The following EFHD1 variants were observed in gnomAD, a reference collection of about 807,000 sequenced individuals.
The protein encoded by EFHD1 is EF-hand domain family member D1.
A neutral mutation model predicts 17.2 loss-of-function variants in EFHD1; 10 were observed. The observed-to-expected ratio is 0.58, with a 90% CI of 0.36 to 0.99. EFHD1 has a LOEUF of 0.99. Among genes scored for constraint, EFHD1 ranks in the 50% least tolerant of loss-of-function variants. The pLI is 0.01. For synonymous variants in EFHD1, 153 were observed against 142.0 expected (o/e 1.08, Z -0.55); for missense variants, 310 against 327.5 (o/e 0.95, Z 0.41).
intron 1 of EFHD1, among the ~76,000 whole-genome samples, chr2:232,645,250 C>T (rs79513323): frequency 0.012 from 1,834 of 152,174 alleles, 42 homozygotes; most frequent in African/African-American, 0.042. Flanking sequence ...AAGGCAGACA[C>T]GCCTCAGCCC....
intron 1 of EFHD1, among the ~76,000 whole-genome samples, chr2:232,654,149 G>A (rs1374091648): frequency 1.3e-5 from 2 of 150,720 alleles, no homozygotes; most frequent in African/African-American, 4.9e-5. Flanking sequence ...AGAAGTTGCA[G>A]TGAGCTGAGA....
At chr2:232,652,068 G>C (rs2106204789) in intron 1 of EFHD1, among the ~76,000 whole-genome samples, 1 of 152,288 alleles carries the variant, frequency 6.6e-6, no homozygotes, top group African/African-American at 2.4e-5. Flanking sequence ...CAGCCAAACA[G>C]CACCACACCC....
intron 2 of EFHD1, among the ~76,000 whole-genome samples, chr2:232,667,007 C>T (rs796916111): frequency 2.6e-5 from 4 of 152,312 alleles, no homozygotes; most frequent in African/African-American, 9.6e-5. Context: ...GCTATTGTGA[C>T]CATTGTGAAA....
chr2:232,608,539 A>G lies in EFHD1; in HGVS notation c.14+2366A>G, dbSNP rs544726727. Among the ~76,000 whole-genome samples the G allele has an allele frequency of 3.3e-5, 5 of 151,832 alleles. No homozygotes were observed. In the South Asian group the frequency reaches 1.0e-3, roughly 32 times the overall value. On this transcript the variant is annotated intron_variant, in intron 1 of 3. Coordinates refer to the EFHD1 transcript ENST00000409613. ...TTATATTTTTTCCTGAATATTTTTG[A>G]TCTATGGTTGGTTGAATCCCATGGG...
chr2:232,664,699 C>T (rs956169624), intron 2 of EFHD1, among the ~76,000 whole-genome samples: 7 of 147,396 alleles, frequency 4.7e-5, no homozygotes, highest in Non-Finnish European at 7.5e-5. Context: ...CTACAAGCTC[C>T]GCCTCCCGGG....
intron 1 of EFHD1, among the ~76,000 whole-genome samples, chr2:232,624,084 G>T (rs986193849): frequency 6.6e-6 from 1 of 152,174 alleles, no homozygotes; most frequent in African/African-American, 2.4e-5. Context: ...TGTGGGGGTG[G>T]GGTCTGCTCT....
Position 232,633,691 on chromosome 2 carries a change from T to G in EFHD1, c.-14T>G, listed in dbSNP as rs1440288846. Reference sequence around the variant, plus strand: ...CCCGCGTCCCCGCGTTCCCGCGTCCTGCGATCCGCCGCCATGGCCAGTGAG... The same window carrying G: ...CCCGCGTCCCCGCGTTCCCGCGTCCGGCGATCCGCCGCCATGGCCAGTGAG... On this transcript the variant is annotated 5_prime_UTR_variant, in exon 1 of 4. Coordinates refer to ENST00000264059, the MANE Select transcript of EFHD1 (RefSeq NM_025202.4). The G allele has an allele frequency of 7.0e-7, 1 of 1,421,066 alleles. No homozygotes were observed. The highest frequency in any genetic ancestry group is 3.3e-5 in the Admixed American group (1 of 30,034). The allele number at this position is 1,421,066 out of a possible 1,614,324, so 88.0% of individuals were successfully genotyped here.
At chr2:232,633,022 G>C (rs796379237), upstream of EFHD1, among the ~76,000 whole-genome samples, 17 of 152,238 alleles carry the variant, frequency 1.1e-4, no homozygotes, top group African/African-American at 3.9e-4. Context: ...CTGCTCGTTT[G>C]CTCTCTCTCT....
At chr2:232,607,877 T>G (rs565498962) in intron 1 of EFHD1, among the ~76,000 whole-genome samples, 1 of 151,438 alleles carries the variant, frequency 6.6e-6, no homozygotes, top group Admixed American at 6.6e-5. Context: ...GAGGACAGCT[T>G]GAGTCCAGGA....
At chr2:232,641,321 C>T (rs1281912163) in intron 1 of EFHD1, among the ~76,000 whole-genome samples, 1 of 152,184 alleles carries the variant, frequency 6.6e-6, no homozygotes, top group African/African-American at 2.4e-5. Flanking sequence ...GCATGAGCCA[C>T]CGCACCTGGC....
intron 1 of EFHD1, among the ~76,000 whole-genome samples, chr2:232,639,690 G>A (rs530104811): frequency 6.6e-5 from 10 of 152,184 alleles, no homozygotes; most frequent in African/African-American, 9.6e-5. Context: ...AAGATGTGCC[G>A]AATGGCCTAA....
In EFHD1 at chr2:232,633,997, T is replaced by C. The variant is rs766336519; in HGVS notation, c.293T>C (p.Met98Thr). The C allele has an allele frequency of 1.3e-6, 2 of 1,597,560 alleles. No individual in the cohort carries two copies. The highest frequency in any genetic ancestry group is 1.7e-6 in the Non-Finnish European group (2 of 1,179,396). The change falls in exon 1 of 4, where the codon ATG becomes ACG. Residue 98 changes from methionine to threonine, a missense_variant. Transcript: ENST00000264059. The part of the protein sequence containing the change: ...SRRLIKDLES[M>T]FKLYDAGRDG... The stretch of plus-strand genomic sequence containing the variant: ...CGCCTCATCAAGGACCTGGAGAGCA[T>C]GTTCAAACTGTGAGCTCCCGCTGCG...
chr2:232,607,086 G>A (rs1277378398), intron 1 of EFHD1, among the ~76,000 whole-genome samples: 2 of 151,532 alleles, frequency 1.3e-5, no homozygotes, highest in Non-Finnish European at 2.9e-5. Flanking sequence ...CCACCTCCCG[G>A]GCTAAAGCGA....
At chr2:232,652,255 C>T (rs1015812073) in intron 1 of EFHD1, among the ~76,000 whole-genome samples, 4 of 152,160 alleles carry the variant, frequency 2.6e-5, no homozygotes, top group African/African-American at 7.2e-5. Context: ...AAATCAGAAT[C>T]CACAAATATT....
chr2:232,620,367 G>A (rs1434448715), intron 1 of EFHD1, among the ~76,000 whole-genome samples: 6 of 142,998 alleles, frequency 4.2e-5, no homozygotes, highest in East Asian at 4.2e-4. Flanking sequence ...CGGCCTGGGC[G>A]ACAAAACGAG....
intron 1 of EFHD1, among the ~76,000 whole-genome samples, chr2:232,646,436 C>CTTTTTTTTT (rs71398729): frequency 7.4e-5 from 5 of 67,176 alleles, no homozygotes; most frequent in Non-Finnish European, 1.1e-4. Flanking sequence ...CTCTTCTCTT[C>CTTTTTTTTT]TTTTTTTTTT....
intron 1 of EFHD1, among the ~76,000 whole-genome samples, chr2:232,613,894 A>G (rs111209801): frequency 1.0e-5 from 1 of 96,410 alleles, no homozygotes; most frequent in Non-Finnish European, 2.5e-5. Context: ...ATACACACAC[A>G]AACACATACA....
chr2:232,666,141 A>G (rs570782497), intron 2 of EFHD1, among the ~76,000 whole-genome samples: 72 of 152,338 alleles, frequency 4.7e-4, no homozygotes, highest in African/African-American at 1.7e-3. Context: ...AATCAGCTCC[A>G]GAATCTTCCA....
At chr2:232,649,214 C>T (rs1694590072) in intron 1 of EFHD1, among the ~76,000 whole-genome samples, 1 of 152,174 alleles carries the variant, frequency 6.6e-6, no homozygotes, top group African/African-American at 2.4e-5. Context: ...GCTAGCTGGC[C>T]CTGGGTGGGG....
Sources: allele counts gnomAD v4.1 joint callset (sites outside exome capture counted in the v4.1 genomes callset), GRCh38; gene constraint gnomAD v4.1.1; transcripts MANE v1.5; gene names NCBI Gene and HGNC (gene_info 2026-07-23, HGNC 2026-07-21).